Variants in SMYD3 observed in about 807,000 individuals in gnomAD.
SMYD3 encodes histone-lysine N-methyltransferase SMYD3.
SMYD3 carries 36 observed loss-of-function variants against 57.7 expected under a neutral mutation model. The observed-to-expected ratio is 0.62, with a 90% CI of 0.48 to 0.82. The LOEUF (loss-of-function observed/expected upper bound fraction) is 0.82, where lower values mean the gene tolerates loss of function less well. SMYD3 is among the 40% of genes least tolerant of loss of function. SMYD3 has a pLI of 0.00. For missense variants in SMYD3, 515 were observed against 538.8 expected (o/e 0.96, Z 0.44); for synonymous variants, 211 against 195.0 (o/e 1.08, Z -0.68).
At chr1:246,082,863 A>G (rs1012742217) in intron 5 of SMYD3, among the ~76,000 whole-genome samples, 2 of 152,036 alleles carry the variant, frequency 1.3e-5, no homozygotes, top group African/African-American at 2.4e-5. Context: ...ACTCAGGGTT[A>G]AATGGATTAA....
chr1:246,201,867 G>A (rs1166834787), intron 5 of SMYD3, among the ~76,000 whole-genome samples: 1 of 152,072 alleles, frequency 6.6e-6, no homozygotes, highest in Non-Finnish European at 1.5e-5. Context: ...ATAAAAATTA[G>A]CTGGGCGTGG....
chr1:246,127,853 G>A (rs1370235290), intron 5 of SMYD3, among the ~76,000 whole-genome samples: 2 of 151,500 alleles, frequency 1.3e-5, no homozygotes, highest in Non-Finnish European at 2.9e-5. Flanking sequence ...CCACGATCAC[G>A]CCCCTGTGCT....
At chr1:246,475,523 G>A (rs1449404192) in intron 1 of SMYD3, among the ~76,000 whole-genome samples, 2 of 151,788 alleles carry the variant, frequency 1.3e-5, no homozygotes, top group East Asian at 2.0e-4. Context: ...GCGCGTGCCT[G>A]TAGTCCCAGC....
chr1:246,336,651 C>G (rs1444184909), intron 2 of SMYD3, among the ~76,000 whole-genome samples: 1 of 152,152 alleles, frequency 6.6e-6, no homozygotes, highest in East Asian at 1.9e-4. Context: ...GTACTAGATA[C>G]ATGGCTAAGC....
chr1:245,777,828 G>T (rs1368698969), intron 10 of SMYD3, among the ~76,000 whole-genome samples: 1 of 152,146 alleles, frequency 6.6e-6, no homozygotes, highest in African/African-American at 2.4e-5. Context: ...TGAAGTCCAA[G>T]CAAGTTACAA....
chr1:246,478,515 G>C lies in SMYD3; in HGVS notation c.164+28539C>G, dbSNP rs565766447. On this transcript the variant is annotated intron_variant, in intron 1 of 11. Transcript: ENST00000490107. ...ATATGCACACCTGTCCTCTGTCCTG[G>C]AGCTGGTACATAAGTGCTCATATAT... is the stretch of plus-strand genomic sequence containing the variant. Among the ~76,000 whole-genome samples the C allele has an allele frequency of 1.4e-3, 148 of 108,276 alleles. 4 individuals carry two copies. Among genetic ancestry groups the C allele is most frequent in the Admixed American group, 6.2e-3 (70 of 11,252 alleles). 71.0% of individuals were successfully genotyped at this position (108,276 alleles called of 152,430 possible). A position where few individuals can be genotyped will look rare whatever the true frequency, so the allele number is the denominator to read the frequency against.
intron 5 of SMYD3, among the ~76,000 whole-genome samples, chr1:246,029,673 G>GAAAAAAAAAA (rs34698516): frequency 1.1e-5 from 1 of 88,126 alleles, no homozygotes; most frequent in Non-Finnish European, 2.7e-5. Context: ...CTCTGTCTCA[G>GAAAAAAAAAA]AAAAAAAAAA....
chr1:246,349,483 T>C (rs2065786798), intron 2 of SMYD3, among the ~76,000 whole-genome samples: 1 of 152,050 alleles, frequency 6.6e-6, no homozygotes, highest in African/African-American at 2.4e-5. Flanking sequence ...TGCACGCCTG[T>C]AGTCCCAGCT....
chr1:246,154,321 G>T (rs2061988628), intron 5 of SMYD3, among the ~76,000 whole-genome samples: 1 of 152,200 alleles, frequency 6.6e-6, no homozygotes, highest in Non-Finnish European at 1.5e-5. Context: ...AAGGTGTAAT[G>T]TTCTAGCTGA....
chr1:246,438,361 T>C (rs74839228), intron 1 of SMYD3, among the ~76,000 whole-genome samples: 4,425 of 152,168 alleles, frequency 0.029, 106 homozygotes, highest in Non-Finnish European at 0.043. Flanking sequence ...AAAACACACA[T>C]AGTAAAATAA....
At position 246,203,079 on chromosome 1, in the gene SMYD3, C is replaced by T. The variant is rs1274208701; in HGVS notation, c.531+124122G>A. ...GGGTGAGGTTGCACTGAGCTGAGAT[C>T]GCACCACTGCACTCCAGAGCAAGAC... is the stretch of plus-strand genomic sequence containing the variant. On this transcript the variant is annotated intron_variant, in intron 5 of 11. Coordinates refer to ENST00000490107, the MANE Select transcript of SMYD3 (RefSeq NM_001167740.2). The surrounding 1 kb of genome is among the most constrained non-coding windows in gnomAD (Gnocchi z 4.6). Among the ~76,000 whole-genome samples, 5 of 151,716 alleles carry T rather than the reference C, an allele frequency of 3.3e-5. No homozygotes were observed. Among genetic ancestry groups the T allele is most frequent in the East Asian group, 1.9e-4 (1 of 5,168 alleles).
intron 1 of SMYD3, among the ~76,000 whole-genome samples, chr1:246,360,486 C>T (rs1007265135): frequency 2.6e-5 from 4 of 151,922 alleles, no homozygotes; most frequent in Non-Finnish European, 5.9e-5. Flanking sequence ...AAAAAAGAGA[C>T]CACATAGCCA....
intron 1 of SMYD3, among the ~76,000 whole-genome samples, chr1:246,367,436 G>C (rs1001931169): frequency 6.6e-6 from 1 of 152,192 alleles, no homozygotes; most frequent in Non-Finnish European, 1.5e-5. Flanking sequence ...GTCTCAGAAA[G>C]GTAGAGAACA....
chr1:245,771,555 T>C (rs940712822), intron 10 of SMYD3, among the ~76,000 whole-genome samples: 4 of 152,166 alleles, frequency 2.6e-5, no homozygotes, highest in Non-Finnish European at 5.9e-5. Context: ...TTCAAGACAT[T>C]AGACAGACAT....
rs565576988 is a variant in SMYD3, at chr1:246,123,987, C to T, written c.532-194050G>A. Among the ~76,000 whole-genome samples, 474 of 152,276 alleles carry T rather than the reference C, an allele frequency of 3.1e-3. 2 individuals are homozygous for T. The highest frequency in any genetic ancestry group is 5.7e-3 in the Non-Finnish European group (386 of 68,026). ...CACTATATCTATATCTACGAATATA[C>T]CACATTTTCTTTATTTTAAAATCTC... On this transcript the variant is annotated intron_variant, in intron 5 of 11. Coordinates refer to ENST00000490107, the MANE Select transcript of SMYD3 (RefSeq NM_001167740.2).
intron 1 of SMYD3, among the ~76,000 whole-genome samples, chr1:246,363,235 C>T (rs1390576234): frequency 5.3e-5 from 8 of 151,866 alleles, no homozygotes; most frequent in East Asian, 2.0e-4. Flanking sequence ...GCAGCCACCC[C>T]GTCCGGGAGG....
chr1:246,158,558 A>G (rs965087795), intron 5 of SMYD3, among the ~76,000 whole-genome samples: 3 of 152,204 alleles, frequency 2.0e-5, no homozygotes, highest in Non-Finnish European at 4.4e-5. Context: ...ATACCTTTTT[A>G]TATTTACTCT....
chr1:246,178,581 T>C (rs911946345), intron 5 of SMYD3, among the ~76,000 whole-genome samples: 2 of 152,156 alleles, frequency 1.3e-5, no homozygotes, highest in Non-Finnish European at 2.9e-5. Flanking sequence ...AATGGACAAG[T>C]GCATGCATGG....
chr1:246,483,716 C>G (rs1409190651), intron 1 of SMYD3: 1 of 148,468 alleles, frequency 6.7e-6, no homozygotes, highest in Non-Finnish European at 1.5e-5. Context: ...GATGGCATAG[C>G]ACAGGAAAAA....
Sources: gnomAD v4.1 joint callset for allele counts (sites outside exome capture counted in the v4.1 genomes callset) on GRCh38, gnomAD v4.1.1 for gene constraint, Gnocchi (gnomAD v3.1) non-coding constraint, MANE v1.5 for transcripts, NCBI Gene and HGNC (gene_info 2026-07-23, HGNC 2026-07-21) for gene names.